TGFB2: variants seen among roughly 807,000 people sequenced by gnomAD.
The protein encoded by TGFB2 is transforming growth factor beta-2 proprotein.
In TGFB2, 13 loss-of-function variants were observed where a neutral mutation model predicts 42.7. The observed-to-expected ratio is 0.30, with a 90% CI of 0.20 to 0.48. The LOEUF (loss-of-function observed/expected upper bound fraction) is 0.48, where lower values mean the gene tolerates loss of function less well. TGFB2 is among the 20% of genes least tolerant of loss of function. The pLI is 0.99. For missense variants in TGFB2, 390 were observed against 517.5 expected (o/e 0.75, Z 2.39); for synonymous variants, 193 against 193.6 (o/e 1.00, Z 0.03).
At chr1:218,383,451 T>TGCCCCATTTAA (rs1558237601) in intron 1 of TGFB2, among the ~76,000 whole-genome samples, 267 of 152,328 alleles carry the variant, frequency 1.8e-3, no homozygotes, top group African/African-American at 6.3e-3. Context: ...AATGCAATAA[T>TGCCCCATTTAA]AGGGCTGCTA....
chr1:218,402,634 T>C (rs1238583391), intron 1 of TGFB2, among the ~76,000 whole-genome samples: 2 of 152,280 alleles, frequency 1.3e-5, no homozygotes, highest in African/African-American at 2.4e-5. Context: ...AGGATAAGAT[T>C]GAGGCAGGCG....
chr1:218,408,830 A>G (rs1204890526), intron 2 of TGFB2, among the ~76,000 whole-genome samples: 10 of 152,076 alleles, frequency 6.6e-5, no homozygotes, highest in East Asian at 5.8e-4. Context: ...GTGGAATACA[A>G]TTTTTCCACA....
intron 2 of TGFB2, among the ~76,000 whole-genome samples, chr1:218,426,911 A>G (rs566370966): frequency 3.4e-4 from 51 of 152,124 alleles, no homozygotes; most frequent in Non-Finnish European, 6.0e-4. Flanking sequence ...CCAATTACCA[A>G]TCCATGTCAT....
At chr1:218,400,647 T>G (rs977039901) in intron 1 of TGFB2, among the ~76,000 whole-genome samples, 3 of 152,174 alleles carry the variant, frequency 2.0e-5, no homozygotes, top group Non-Finnish European at 4.4e-5. Context: ...AAAAAGCACC[T>G]GTACCCCAAA....
intron 2 of TGFB2, among the ~76,000 whole-genome samples, chr1:218,407,117 A>T (rs10482775): frequency 0.087 from 13,293 of 152,192 alleles, 679 homozygotes; most frequent in East Asian, 0.16. Context: ...TGTTTTTTTG[A>T]GACAGCATCT....
chr1:218,440,026 A>G (rs1178301377), intron 6 of TGFB2, among the ~76,000 whole-genome samples: 3 of 152,232 alleles, frequency 2.0e-5, no homozygotes, highest in African/African-American at 7.2e-5. Context: ...ATGTCTCTGT[A>G]TCATCAGTGG....
At chr1:218,357,631 G>T (rs752886002) in intron 1 of TGFB2, among the ~76,000 whole-genome samples, 2 of 152,178 alleles carry the variant, frequency 1.3e-5, no homozygotes, top group Non-Finnish European at 2.9e-5. Context: ...CAACCACAAT[G>T]ACTTGAGGAA....
chr1:218,405,349 G>T lies in TGFB2; in HGVS notation c.510+17G>T, dbSNP rs758946522. On this transcript the variant is annotated intron_variant, in intron 2 of 6. Coordinates refer to ENST00000366930, the MANE Select transcript of TGFB2 (RefSeq NM_003238.6). ...CTATATCAGGTAATGTTCATTTGTT[G>T]TTGTTGTTGTTGTTGTTGTTGTTGT... The T allele has an allele frequency of 7.5e-6, 12 of 1,603,766 alleles. No individual in the cohort carries two copies. The highest frequency in any genetic ancestry group is 8.5e-6 in the Non-Finnish European group (10 of 1,174,176).
In TGFB2 at chr1:218,430,805, G is replaced by A. The variant is rs537000044; in HGVS notation, c.511-3277G>A. 2.8e-4 allele frequency among the ~76,000 whole-genome samples: 42 copies of A among 152,316 alleles called. No individual in the cohort carries two copies. In the South Asian group the frequency reaches 7.3e-3, roughly 26 times the overall value. ...GCTGTAGGAGGAATACTTTTATATA[G>A]CATCATTCATCCTTGTTAGCAACCC... On this transcript the variant is annotated intron_variant, in intron 2 of 6. Coordinates refer to ENST00000366930, the MANE Select transcript of TGFB2 (RefSeq NM_003238.6).
intron 1 of TGFB2, among the ~76,000 whole-genome samples, chr1:218,381,404 C>T (rs564132818): frequency 1.3e-5 from 2 of 151,936 alleles, no homozygotes; most frequent in East Asian, 1.9e-4. Flanking sequence ...TACAGGCAAC[C>T]GCCACCAAGC....
chr1:218,422,162 G>A (rs1659473948), intron 2 of TGFB2, among the ~76,000 whole-genome samples: 1 of 151,810 alleles, frequency 6.6e-6, no homozygotes, highest in African/African-American at 2.4e-5. Context: ...GAGAGAGGAG[G>A]ATGCCTTCCT....
Position 218,434,105 on chromosome 1 carries a change from ATC to A in TGFB2, c.537_538del (p.Pro180AsnfsTer25). The A allele has an allele frequency of 6.2e-7, 1 of 1,614,132 alleles. No homozygotes were observed. Among genetic ancestry groups the A allele is most frequent in the Non-Finnish European group, 8.5e-7 (1 of 1,179,992 alleles). Reference protein sequence around the residue: ...YQILKSKDLTSPTQRYIDSKV... With the variant: ...YQILKSKDLTXPTQRYIDSKV... ...AGATTCTCAAGTCCAAAGATTTAAC[ATC>A]TCCAACCCAGCGCTACATCGACAGC... On this transcript the variant is annotated frameshift_variant, in exon 3 of 7. Coordinates refer to ENST00000366930, the MANE Select transcript of TGFB2 (RefSeq NM_003238.6). LOFTEE classifies it high-confidence loss of function.
At chr1:218,386,768 G>A (rs926994454) in intron 1 of TGFB2, among the ~76,000 whole-genome samples, 1 of 152,200 alleles carries the variant, frequency 6.6e-6, no homozygotes, top group African/African-American at 2.4e-5. Flanking sequence ...GATTCTGAAA[G>A]TAGGTGCACC....
chr1:218,393,538 A>G (rs188337094), intron 1 of TGFB2, among the ~76,000 whole-genome samples: 150 of 152,258 alleles, frequency 9.9e-4, no homozygotes, highest in African/African-American at 3.4e-3. Context: ...TCATGGGCTC[A>G]CTGGCCTCAT....
At chr1:218,369,180 C>T (rs903027233) in intron 1 of TGFB2, among the ~76,000 whole-genome samples, 4 of 142,346 alleles carry the variant, frequency 2.8e-5, no homozygotes, top group South Asian at 2.3e-4. Context: ...ACTTCAACCC[C>T]GGAGGTGGAG....
At chr1:218,396,862 A>C (rs1365603958) in intron 1 of TGFB2, among the ~76,000 whole-genome samples, 1 of 152,232 alleles carries the variant, frequency 6.6e-6, no homozygotes, top group Non-Finnish European at 1.5e-5. Flanking sequence ...GTCAAGGCAG[A>C]CTACTACTGC....
At chr1:218,414,294 A>G (rs2000220) in intron 2 of TGFB2, among the ~76,000 whole-genome samples, 86,808 of 151,826 alleles carry the variant, frequency 0.57, 28,036 homozygotes, top group African/African-American at 0.88. Context: ...ATTGCCCAAG[A>G]GGGTGTAAAA....
intron 1 of TGFB2, among the ~76,000 whole-genome samples, chr1:218,375,046 T>A (rs1302731334): frequency 6.6e-6 from 1 of 152,190 alleles, no homozygotes; most frequent in Non-Finnish European, 1.5e-5. Context: ...GATTTTTTTT[T>A]ATTGCTAAAT....
intron 1 of TGFB2, among the ~76,000 whole-genome samples, chr1:218,369,650 G>A (rs533195382): frequency 1.3e-4 from 20 of 152,288 alleles, no homozygotes; most frequent in Middle Eastern, 3.4e-3. Flanking sequence ...TCGTACTCGC[G>A]GTGAAGCCTA....
Sources: gnomAD v4.1 joint callset for allele counts (sites outside exome capture counted in the v4.1 genomes callset) on GRCh38, gnomAD v4.1.1 for gene constraint, MANE v1.5 for transcripts, NCBI Gene and HGNC (gene_info 2026-07-23, HGNC 2026-07-21) for gene names.